RARB: variants seen among roughly 807,000 people sequenced by gnomAD.
RARB encodes the protein HBV-activated protein.
Under a neutral mutation model 51.9 loss-of-function variants are expected in RARB, and 17 were observed. The ratio of observed to expected loss-of-function variants is 0.33; its 90% confidence interval spans 0.22 to 0.49. The LOEUF (loss-of-function observed/expected upper bound fraction) is 0.49. Among genes scored for constraint, RARB ranks in the 20% least tolerant of loss-of-function variants. The pLI is 0.99. For synonymous variants in RARB, 215 were observed against 195.4 expected (o/e 1.10, Z -0.84); for missense variants, 369 against 550.8 (o/e 0.67, Z 3.30).
At chr3:25,276,874 A>G (rs999630124) in intron 5 of RARB, among the ~76,000 whole-genome samples, 1 of 152,214 alleles carries the variant, frequency 6.6e-6, no homozygotes, top group Non-Finnish European at 1.5e-5. Context: ...ATATATTGGC[A>G]GTAATCTGTA....
chr3:25,078,221 A>G (rs1698914778), intron 3 of RARB, among the ~76,000 whole-genome samples: 1 of 152,100 alleles, frequency 6.6e-6, no homozygotes, highest in Non-Finnish European at 1.5e-5. Flanking sequence ...ATACAAAAAT[A>G]TTTTTGTGTT....
At chr3:25,135,159 G>A (rs1269260672) in intron 4 of RARB, among the ~76,000 whole-genome samples, 4 of 151,198 alleles carry the variant, frequency 2.6e-5, no homozygotes, top group South Asian at 2.1e-4. Context: ...AAATTGTTTC[G>A]ATCCATCGAT....
chr3:25,530,054 A>G (rs958740051), intron 3 of RARB, among the ~76,000 whole-genome samples: 1 of 151,988 alleles, frequency 6.6e-6, no homozygotes, highest in African/African-American at 2.4e-5. Flanking sequence ...TCATACTATG[A>G]TTACTGTCTC....
chr3:25,396,315 T>C (rs1178682412), intron 5 of RARB, among the ~76,000 whole-genome samples: 1 of 152,240 alleles, frequency 6.6e-6, no homozygotes. Flanking sequence ...TTCTGTTTAG[T>C]GTGCTGGTTT....
chr3:25,371,083 T>G (rs1374846144), intron 5 of RARB, among the ~76,000 whole-genome samples: 1 of 152,146 alleles, frequency 6.6e-6, no homozygotes, highest in Non-Finnish European at 1.5e-5. Flanking sequence ...CTGCAGGTCT[T>G]TAACTTAATT....
intron 3 of RARB, among the ~76,000 whole-genome samples, chr3:25,062,991 C>A (rs935023676): frequency 6.6e-6 from 1 of 151,992 alleles, no homozygotes; most frequent in Admixed American, 6.6e-5. Flanking sequence ...TTGAGTCATA[C>A]AACTCATAGA....
rs925646181 is a variant in RARB at position 25,179,923 on chromosome 3, C to T, written c.178+5348C>T. Among the ~76,000 whole-genome samples the T allele has an allele frequency of 2.6e-5, 4 of 152,166 alleles. No individual in the cohort carries two copies. In the South Asian group the frequency reaches 8.3e-4, roughly 32 times the overall value. ...ATGGCAAGAACCACAATTACTTTTG[C>T]ACCAACCTAATAATCCTTAGAAGAG... On this transcript the variant is annotated intron_variant, in intron 5 of 11. Coordinates refer to the RARB transcript ENST00000383772.
At chr3:25,165,079 A>T (rs1004151445) in intron 4 of RARB, among the ~76,000 whole-genome samples, 1 of 152,134 alleles carries the variant, frequency 6.6e-6, no homozygotes, top group African/African-American at 2.4e-5. Context: ...TAGAGAGATA[A>T]TTTGGGAGTT....
At chr3:24,843,686 G>A (rs186438357) in intron 1 of RARB, among the ~76,000 whole-genome samples, 32 of 152,046 alleles carry the variant, frequency 2.1e-4, no homozygotes, top group Non-Finnish European at 3.8e-4. Flanking sequence ...CATCATTTGG[G>A]AGCCCATCAG....
chr3:25,152,563 C>T (rs1700304581), intron 4 of RARB, among the ~76,000 whole-genome samples: 1 of 152,018 alleles, frequency 6.6e-6, no homozygotes, highest in African/African-American at 2.4e-5. Context: ...TATGTTATTC[C>T]ATGAAACATA....
intron 5 of RARB, among the ~76,000 whole-genome samples, chr3:25,245,545 T>C (rs958218230): frequency 3.3e-5 from 5 of 152,328 alleles, no homozygotes. Context: ...AAGGATTTAG[T>C]TCTTCTTCAC....
chr3:25,485,048 C>G (rs1696395409), intron 2 of RARB, among the ~76,000 whole-genome samples: 1 of 152,154 alleles, frequency 6.6e-6, no homozygotes, highest in Non-Finnish European at 1.5e-5. Context: ...ACGATACACT[C>G]AAAACACTCT....
chr3:25,553,039 A>G (rs530409976), intron 3 of RARB, among the ~76,000 whole-genome samples: 2 of 152,222 alleles, frequency 1.3e-5, no homozygotes, highest in Non-Finnish European at 2.9e-5. Flanking sequence ...CTACGAAGGA[A>G]GACGGGCAAA....
chr3:25,415,753 C>G (rs143025006), intron 5 of RARB, among the ~76,000 whole-genome samples: 1 of 152,202 alleles, frequency 6.6e-6, no homozygotes, highest in African/African-American at 2.4e-5. Context: ...TTTCTACCAA[C>G]TTGTACATGG....
At chr3:24,901,526 C>T (rs548571786) in intron 2 of RARB, among the ~76,000 whole-genome samples, 5 of 152,302 alleles carry the variant, frequency 3.3e-5, no homozygotes, top group African/African-American at 1.2e-4. Flanking sequence ...CAGACAAGTG[C>T]CACTGGGCGC....
At chr3:25,247,014 C>T (rs1458697631) in intron 5 of RARB, among the ~76,000 whole-genome samples, 1 of 152,302 alleles carries the variant, frequency 6.6e-6, no homozygotes, top group East Asian at 1.9e-4. Context: ...TCAGAGATGC[C>T]CTGCCCAGAG....
chr3:25,050,467 C>G (rs543573993), intron 2 of RARB, among the ~76,000 whole-genome samples: 2 of 152,188 alleles, frequency 1.3e-5, no homozygotes, highest in East Asian at 3.9e-4. Context: ...CTTTTACACA[C>G]GAGTGAAGTG....
At chr3:24,951,259 G>A (rs964029183) in intron 2 of RARB, among the ~76,000 whole-genome samples, 4 of 152,102 alleles carry the variant, frequency 2.6e-5, no homozygotes, top group Admixed American at 2.0e-4. Flanking sequence ...GCAGAAAGGA[G>A]GCTCCTTGTT....
intron 5 of RARB, among the ~76,000 whole-genome samples, chr3:25,584,886 C>T (rs1227449447): frequency 6.6e-6 from 1 of 152,102 alleles, no homozygotes; most frequent in East Asian, 1.9e-4. Context: ...TTGGACTCTA[C>T]AGTCAACTCC....
Sources: gnomAD v4.1 joint callset for allele counts (sites outside exome capture counted in the v4.1 genomes callset) on GRCh38, gnomAD v4.1.1 for gene constraint, MANE v1.5 for transcripts, NCBI Gene and HGNC (gene_info 2026-07-23, HGNC 2026-07-21) for gene names.